The following TNRC6B variants were observed in gnomAD, a reference collection of about 807,000 sequenced individuals.
TNRC6B encodes trinucleotide repeat containing adaptor 6B.
In TNRC6B, 52 loss-of-function variants were observed where a neutral mutation model predicts 203.6. The ratio of observed to expected loss-of-function variants is 0.26; its 90% CI spans 0.20 to 0.32. The LOEUF is 0.32. TNRC6B is among the 10% of genes least tolerant of loss of function. The pLI is 1.00. For synonymous variants in TNRC6B, 838 were observed against 845.7 expected (o/e 0.99, Z 0.16); for missense variants, 1,923 against 2,286.2 (o/e 0.84, Z 3.24).
intron 3 of TNRC6B, among the ~76,000 whole-genome samples, chr22:40,139,384 T>G (rs1034850681): frequency 6.9e-6 from 1 of 145,974 alleles, no homozygotes; most frequent in Non-Finnish European, 1.5e-5. Context: ...CTGGATGGAG[T>G]GCAGTGGTGC....
intron 1 of TNRC6B, among the ~76,000 whole-genome samples, chr22:40,238,663 C>T (rs2069982958): frequency 6.6e-6 from 1 of 152,184 alleles, no homozygotes; most frequent in South Asian, 2.1e-4. Flanking sequence ...TCTCCATTCT[C>T]ATGCAACTGT....
rs552868713 is a variant in TNRC6B at position 40,058,410 on chromosome 22, A to ACAATGTGACT, written c.-121+13419_-121+13420insACTCAATGTG. ...AACTTGTGACTCAATGTGCTTTAGC[A>ACAATGTGACT]CAATGTGCTTTAGCACAATGTGACA... On this transcript the variant is annotated intron_variant, in intron 1 of 23. Transcript: ENST00000301923. Among the ~76,000 whole-genome samples the ACAATGTGACT allele has an allele frequency of 5.4e-3, 521 of 95,842 alleles. 3 individuals carry two copies. In the African/African-American group the frequency reaches 0.057, roughly 10 times the overall value. 62.9% of individuals were successfully genotyped at this position (95,842 alleles called of 152,430 possible).
intron 4 of TNRC6B, among the ~76,000 whole-genome samples, chr22:40,167,837 T>C (rs532157102): frequency 1.1e-4 from 16 of 152,012 alleles, no homozygotes; most frequent in Non-Finnish European, 4.4e-5. Flanking sequence ...GAGCCATGAT[T>C]GTAGCCGGGG....
At chr22:40,180,071 T>C (rs111594698) in intron 1 of TNRC6B, among the ~76,000 whole-genome samples, 199 of 152,310 alleles carry the variant, frequency 1.3e-3, no homozygotes, top group African/African-American at 4.6e-3. Flanking sequence ...AAAGAGGTAG[T>C]CTGGAACAAA....
rs1357919862 is a variant in TNRC6B at position 40,261,815 on chromosome 22, C to G, written c.116-17C>G. Reference sequence around the variant, plus strand: ...TTGATGTATTTCAAAGACTGTTTCCCAACCCCTCTCTTTTAGTGCCCGAAG... The same window carrying G: ...TTGATGTATTTCAAAGACTGTTTCCGAACCCCTCTCTTTTAGTGCCCGAAG... On this transcript the variant is annotated splice_polypyrimidine_tract_variant and intron_variant, in intron 3 of 22. Coordinates refer to ENST00000454349, the MANE Select transcript of TNRC6B (RefSeq NM_001162501.2). 4.0e-6 allele frequency: 6 copies of G among 1,515,418 alleles called. No homozygotes were observed. The highest frequency in any genetic ancestry group is 4.5e-6 in the Non-Finnish European group (5 of 1,116,718). The allele number at this position is 1,515,418 out of a possible 1,614,324, so 93.9% of individuals were successfully genotyped here. A position where few individuals can be genotyped will look rare whatever the true frequency, so the allele number is the denominator to read the frequency against.
rs553237258 is a variant in TNRC6B at position 40,052,621 on chromosome 22, TC to T, written c.-121+7624del. Among the ~76,000 whole-genome samples the T allele has an allele frequency of 2.6e-3, 397 of 151,912 alleles. 2 individuals carry two copies. The highest frequency in any genetic ancestry group is 4.8e-3 in the South Asian group (23 of 4,812). ...ACAGACACGCACCTCCACACCTGGCTCATGTTTTGTAGAGATGAGGTCTCAC... is the reference window on the plus strand; with the variant it reads ...ACAGACACGCACCTCCACACCTGGCTATGTTTTGTAGAGATGAGGTCTCAC... On this transcript the variant is annotated intron_variant, in intron 1 of 23. Transcript: ENST00000301923.
intron 3 of TNRC6B, among the ~76,000 whole-genome samples, chr22:40,145,018 G>A (rs2068678911): frequency 7.3e-6 from 1 of 136,710 alleles, no homozygotes; most frequent in Non-Finnish European, 1.5e-5. Context: ...GATCACTTCA[G>A]CCCAGGAATT....
At chr22:40,154,798 A>G (rs4820401) in intron 3 of TNRC6B, among the ~76,000 whole-genome samples, 82,164 of 122,400 alleles carry the variant, frequency 0.67, 29,013 homozygotes, top group African/African-American at 0.9. Flanking sequence ...CCGAGATCGC[A>G]CCACTGCACT....
At chr22:40,069,366 A>G (rs992027400) in intron 1 of TNRC6B, among the ~76,000 whole-genome samples, 2 of 151,796 alleles carry the variant, frequency 1.3e-5, no homozygotes, top group Non-Finnish European at 2.9e-5. Flanking sequence ...TCACCCTCCC[A>G]AAGTGCTGGG....
Position 40,246,083 on chromosome 22 carries a change from A to G in TNRC6B, c.74A>G (p.Lys25Arg). The change falls in exon 2 of 23, where the codon AAA becomes AGA. Residue 25 changes from lysine (K) to arginine (R), a missense_variant. Transcript: ENST00000454349. ...AAAAGGAAGAAAGAGGATAAAAAGA[A>G]AAAAGAAGCCACTCAGAAGGTAGGT... Reference protein sequence around the residue: ...DKKRKKEDKKKKEATQKVTEQ... With the variant: ...DKKRKKEDKKRKEATQKVTEQ... 2 of 1,549,270 alleles carry G rather than the reference A, an allele frequency of 1.3e-6. No homozygotes were observed. Among genetic ancestry groups the G allele is most frequent in the Non-Finnish European group, 1.7e-6 (2 of 1,146,134 alleles).
intron 10 of TNRC6B, 79 bp downstream of exon 10, chr22:40,280,222 A>G: frequency 7.1e-7 from 1 of 1,414,198 alleles, no homozygotes; most frequent in Non-Finnish European, 9.7e-7. Context: ...AACTGATTCT[A>G]GAGGAAGCAT....
In TNRC6B at chr22:40,324,335, A is replaced by G. The variant is rs1435355985; in HGVS notation, c.*1094A>G. 6.6e-6 allele frequency: 1 copy of G among 150,602 alleles called. No homozygotes were observed. 9.3% of individuals were successfully genotyped at this position (150,602 alleles called of 1,614,324 possible). On this transcript the variant is annotated 3_prime_UTR_variant, in exon 23 of 23. Transcript: ENST00000454349. ...GAATGGCCACCAGGCACATCTGAGTATCTGTTAAGTTTCATGCAGGCCTTT... is the reference window on the plus strand; with the variant it reads ...GAATGGCCACCAGGCACATCTGAGTGTCTGTTAAGTTTCATGCAGGCCTTT...
Position 40,106,573 on chromosome 22 carries a change from C to G in TNRC6B, c.-120-10482C>G, listed in dbSNP as rs948515266. On this transcript the variant is annotated intron_variant, in intron 1 of 23. Transcript: ENST00000301923. Reference sequence around the variant, plus strand: ...TGTTATCTGTCAAAGCAATTCGCTTCTTACTGAATTCTCCATAACCACGCT... The same window carrying G: ...TGTTATCTGTCAAAGCAATTCGCTTGTTACTGAATTCTCCATAACCACGCT... The G allele has an allele frequency of 1.6e-5, 12 of 728,780 alleles. No individual in the cohort carries two copies. The Admixed American group carries it at 2.2e-4, about 13-fold the overall frequency. 45.1% of individuals were successfully genotyped at this position (728,780 alleles called of 1,614,324 possible). A position where few individuals can be genotyped will look rare whatever the true frequency, so the allele number is the denominator to read the frequency against.
chr22:40,104,730 T>C (rs566207663), intron 1 of TNRC6B, among the ~76,000 whole-genome samples: 1 of 152,282 alleles, frequency 6.6e-6, no homozygotes, highest in African/African-American at 2.4e-5. Context: ...ATTGATGATA[T>C]CATAGCTCAC....
chr22:40,315,634 T>C, intron 20 of TNRC6B, 127 bp downstream of exon 20: 3 of 1,116,440 alleles, frequency 2.7e-6, no homozygotes, highest in Non-Finnish European at 3.8e-6. Flanking sequence ...TTTCTTCTGG[T>C]AGAGGAAAAG....
At chr22:40,290,371 G>C (rs2070853743) in intron 12 of TNRC6B, among the ~76,000 whole-genome samples, 1 of 152,172 alleles carries the variant, frequency 6.6e-6, no homozygotes, top group Admixed American at 6.5e-5. Flanking sequence ...TCTTTCAGCG[G>C]GAATCCCCTC....
chr22:40,285,110 G>A (rs1193077377), intron 11 of TNRC6B, among the ~76,000 whole-genome samples: 5 of 152,076 alleles, frequency 3.3e-5, no homozygotes, highest in African/African-American at 1.2e-4. Flanking sequence ...TATCTCACTG[G>A]GTAATTGAGT....
rs925955210 is a variant in TNRC6B, at chr22:40,185,116, G to A, written c.5+6976G>A. ...AGCGATTCTCCTGTCTCAGCCTCCC[G>A]AGTAGCTGGGATTACAGGCATGTGC... is the stretch of plus-strand genomic sequence containing the variant. On this transcript the variant is annotated intron_variant, in intron 1 of 22. Transcript: ENST00000454349. Among the ~76,000 whole-genome samples, 3 of 152,088 alleles carry A rather than the reference G, an allele frequency of 2.0e-5. No individual in the cohort carries two copies. In the South Asian group the frequency reaches 6.2e-4, roughly 32 times the overall value.
At chr22:40,148,489 G>A (rs539396591) in intron 3 of TNRC6B, among the ~76,000 whole-genome samples, 2 of 152,052 alleles carry the variant, frequency 1.3e-5, no homozygotes, top group South Asian at 2.1e-4. Flanking sequence ...TCACCATGTT[G>A]GCCAGGATGA....
Sources: allele counts gnomAD v4.1 joint callset (sites outside exome capture counted in the v4.1 genomes callset), GRCh38; gene constraint gnomAD v4.1.1; transcripts MANE v1.5; gene names NCBI Gene and HGNC (gene_info 2026-07-23, HGNC 2026-07-21).